The following HEMK2 variants were observed in gnomAD, a reference collection of about 807,000 sequenced individuals.
HEMK2 encodes methyltransferase HEMK2.
the HEMK2 span, among the ~76,000 whole-genome samples, chr21:28,680,809 T>A: frequency 2.0e-4 from 31 of 152,188 alleles, no homozygotes; most frequent in African/African-American, 7.0e-4. Context: ...ACCATACGAT[T>A]ATCTCAATGG....
chr21:28,743,380 C>T, the HEMK2 span: 1 of 152,170 alleles, frequency 6.6e-6, no homozygotes, highest in Non-Finnish European at 1.5e-5. Flanking sequence ...ACTTCAACAA[C>T]AGAAATTTAT....
chr21:28,712,753 ATACAT>A, the HEMK2 span, among the ~76,000 whole-genome samples: 4 of 152,252 alleles, frequency 2.6e-5, no homozygotes, highest in Non-Finnish European at 4.4e-5. Context: ...CAGGGAATTG[ATACAT>A]TACAATTGTT....
At chr21:28,859,487 A>G in the HEMK2 span, among the ~76,000 whole-genome samples, 1 of 152,206 alleles carries the variant, frequency 6.6e-6, no homozygotes, top group African/African-American at 2.4e-5. Context: ...AAATCATGGC[A>G]TTAAAGTCAA....
chr21:28,841,418 T>TATATA, the HEMK2 span, among the ~76,000 whole-genome samples: 1 of 38,736 alleles, frequency 2.6e-5, no homozygotes. Flanking sequence ...ATATATATTA[T>TATATA]ATATATAAAA....
the HEMK2 span, among the ~76,000 whole-genome samples, chr21:28,708,518 A>G: frequency 6.6e-6 from 1 of 152,224 alleles, no homozygotes; most frequent in Non-Finnish European, 1.5e-5. Context: ...GCACAGGTTA[A>G]ACAGGTACAA....
At chr21:28,617,313 G>C in the HEMK2 span, among the ~76,000 whole-genome samples, 2 of 152,334 alleles carry the variant, frequency 1.3e-5, no homozygotes, top group East Asian at 1.9e-4. Flanking sequence ...AGGGAGAACA[G>C]TGCAAAATGA....
At chr21:28,630,672 C>T in the HEMK2 span, among the ~76,000 whole-genome samples, 4 of 150,430 alleles carry the variant, frequency 2.7e-5, no homozygotes, top group African/African-American at 7.4e-5. Flanking sequence ...AGCAAACTAT[C>T]GCAAGGACAA....
At chr21:28,726,631 G>A in the HEMK2 span, among the ~76,000 whole-genome samples, 2 of 152,186 alleles carry the variant, frequency 1.3e-5, no homozygotes, top group Admixed American at 1.3e-4. Flanking sequence ...TTTCAGGCCA[G>A]GCACAGTGGC....
At chr21:28,834,022 A>G in the HEMK2 span, among the ~76,000 whole-genome samples, 1 of 152,220 alleles carries the variant, frequency 6.6e-6, no homozygotes, top group African/African-American at 2.4e-5. Context: ...GAGCCATACT[A>G]TACCAGTTTG....
At chr21:28,862,910 A>G in the HEMK2 span, among the ~76,000 whole-genome samples, 4 of 152,116 alleles carry the variant, frequency 2.6e-5, no homozygotes, top group African/African-American at 9.7e-5. Flanking sequence ...TGGTTGTACG[A>G]AGGATAGTTG....
At chr21:28,839,914 G>C in the HEMK2 span, among the ~76,000 whole-genome samples, 1 of 152,086 alleles carries the variant, frequency 6.6e-6, no homozygotes, top group East Asian at 1.9e-4. Context: ...GCCAAAGCAA[G>C]ACCAAGCAAA....
At chr21:28,884,788 GCTTT>G in the HEMK2 span, among the ~76,000 whole-genome samples, 1 of 152,162 alleles carries the variant, frequency 6.6e-6, no homozygotes, top group Admixed American at 6.5e-5. Flanking sequence ...TGTTAAGGGT[GCTTT>G]CTATGTGCTG....
At chr21:28,657,554 A>C in the HEMK2 span, among the ~76,000 whole-genome samples, 29 of 152,200 alleles carry the variant, frequency 1.9e-4, no homozygotes, top group South Asian at 2.1e-4. Flanking sequence ...GACTACAACA[A>C]CACCATGAAA....
At chr21:28,576,467 A>ACC in the HEMK2 span, among the ~76,000 whole-genome samples, 2 of 81,500 alleles carry the variant, frequency 2.5e-5, no homozygotes, top group Admixed American at 1.1e-4. Context: ...TTTTTAAAAT[A>ACC]TCAACACAAG....
the HEMK2 span, among the ~76,000 whole-genome samples, chr21:28,839,077 C>A: frequency 1.0e-4 from 14 of 140,056 alleles, no homozygotes; most frequent in South Asian, 3.2e-3. Flanking sequence ...ATATGTGAGT[C>A]AATAAATGTG....
chr21:28,640,381 T>C, the HEMK2 span, among the ~76,000 whole-genome samples: 1 of 152,154 alleles, frequency 6.6e-6, no homozygotes, highest in Non-Finnish European at 1.5e-5. Context: ...GGAGCTCTTG[T>C]GCGAGGGCAC....
the HEMK2 span, among the ~76,000 whole-genome samples, chr21:28,881,088 T>C: frequency 6.6e-6 from 1 of 152,212 alleles, no homozygotes; most frequent in Admixed American, 6.5e-5. Context: ...CATATATAAA[T>C]TAAAAACCTA....
At chr21:28,820,565 C>G in the HEMK2 span, among the ~76,000 whole-genome samples, 1 of 152,146 alleles carries the variant, frequency 6.6e-6, no homozygotes, top group Non-Finnish European at 1.5e-5. Flanking sequence ...CATCTCCATT[C>G]CCCCTAAGAA....
the HEMK2 span, chr21:28,885,249 A>G: frequency 1.3e-6 from 2 of 1,591,596 alleles, no homozygotes; most frequent in Non-Finnish European, 1.7e-6. Flanking sequence ...AGCGCGTCCA[A>G]AAGCAGAAAC....
Sources: gnomAD v4.1 joint callset for allele counts (sites outside exome capture counted in the v4.1 genomes callset) on GRCh38, gnomAD v4.1.1 for gene constraint, MANE v1.5 for transcripts, NCBI Gene and HGNC (gene_info 2026-07-23, HGNC 2026-07-21) for gene names.